Variants in CCDC157 observed in about 807,000 individuals in gnomAD.
CCDC157 encodes coiled-coil domain-containing protein 157.
In CCDC157, 60 loss-of-function variants were observed where a neutral mutation model predicts 70.9. That is an observed-to-expected ratio of 0.85 (90% CI 0.69 to 1.05). The LOEUF is 1.05. Ranked by LOEUF, CCDC157 falls within the 50% of genes least tolerant of loss-of-function variation. The probability of loss-of-function intolerance (pLI) is 0.00; values close to 1 mark genes in which losing one functional copy is unlikely to be tolerated. For missense variants in CCDC157, 943 were observed against 984.2 expected, an observed-to-expected ratio of 0.96 and a Z score of 0.56; for synonymous variants, 373 against 422.4, an observed-to-expected ratio of 0.88 and a Z score of 1.43.
chr22:30,363,583 A>C (rs985823033), intron 2 of CCDC157, among the ~76,000 whole-genome samples: 3 of 151,756 alleles, frequency 2.0e-5, no homozygotes, highest in African/African-American at 7.3e-5. Flanking sequence ...ATAAAAACGT[A>C]ATGGCAGTCC....
intron 4 of CCDC157, chr22:30,369,879 A>G (rs865837096): frequency 6.5e-6 from 3 of 462,762 alleles, no homozygotes; most frequent in African/African-American, 1.9e-5. Context: ...CATCTATACA[A>G]CGGAGGTCAT....
intron 3 of CCDC157, 63 bp downstream of exon 3, chr22:30,366,311 C>G: frequency 6.3e-7 from 1 of 1,599,698 alleles, no homozygotes; most frequent in East Asian, 2.2e-5. Context: ...AAACCAGTGG[C>G]AGCTACGGAA....
chr22:30,376,943 T>G lies in CCDC157; in HGVS notation c.*198T>G. 3.3e-6 allele frequency: 2 copies of G among 609,536 alleles called. No individual in the cohort carries two copies. The highest frequency in any genetic ancestry group is 5.8e-6 in the Non-Finnish European group (2 of 347,108). 37.8% of individuals were successfully genotyped at this position (609,536 alleles called of 1,614,324 possible). A position where few individuals can be genotyped will look rare whatever the true frequency, so the allele number is the denominator to read the frequency against. On this transcript the variant is annotated 3_prime_UTR_variant, in exon 12 of 12. Coordinates refer to ENST00000338306, the MANE Select transcript of CCDC157 (RefSeq NM_001017437.5). ...CAGTCAGTCAGCAGAGTCCTGGCAC[T>G]ATGGGCCCTCAGTAAAAGGGGCCTT...
At chr22:30,374,336 C>T in intron 9 of CCDC157, 1 of 631,002 alleles carries the variant, frequency 1.6e-6, no homozygotes, top group Non-Finnish European at 2.9e-6. Flanking sequence ...TCACAACAGC[C>T]AAACGCAGAC....
At chr22:30,372,481 G>C in intron 7 of CCDC157, 195 bp downstream of exon 7, 1 of 728,360 alleles carries the variant, frequency 1.4e-6, no homozygotes, top group African/African-American at 1.8e-5. Flanking sequence ...CCCAGGGACT[G>C]ATACTGCCCA....
At position 30,370,789 on chromosome 22, in the gene CCDC157, C is replaced by T. The variant is rs1932902375; in HGVS notation, c.884C>T (p.Ala295Val). The T allele has an allele frequency of 6.2e-7, 1 of 1,613,348 alleles. No individual in the cohort carries two copies. Among genetic ancestry groups the T allele is most frequent in the Non-Finnish European group, 8.5e-7 (1 of 1,180,006 alleles). ...AGTAAGCATGTGGAGGCCCTCAGGG[C>T]CCAGCTGGAGGAGGCTGAAGGGCAG... ...RLSKHVEALR[A>V]QLEEAEGQKD... The change falls in exon 5 of 12, where the codon GCC (alanine) becomes GTC (valine). Residue 295 changes from alanine (A) to valine (V), a missense_variant. Ala to Val is a moderately conservative substitution (Grantham distance 64). Transcript: ENST00000338306.
At chr22:30,358,738 C>T (rs907228053) in intron 1 of CCDC157, among the ~76,000 whole-genome samples, 1 of 152,186 alleles carries the variant, frequency 6.6e-6, no homozygotes, top group Admixed American at 6.5e-5. Flanking sequence ...TGAGGAGAGG[C>T]AGAGATAGCT....
chr22:30,370,856 G>A lies in CCDC157; in HGVS notation c.951G>A (p.Ala317=), dbSNP rs765153541. The A allele has an allele frequency of 1.5e-5, 24 of 1,612,312 alleles. 1 individual carries two copies. The highest frequency in any genetic ancestry group is 2.7e-5 in the African/African-American group (2 of 74,930). The change falls in exon 5 of 12, where the codon GCG becomes GCA. Residue 317 remains alanine (A), a synonymous_variant. Coordinates refer to ENST00000338306, the MANE Select transcript of CCDC157 (RefSeq NM_001017437.5). The part of the protein sequence containing the change: ...LRKQAGKLEQ[A]LKQEQGARRR... ...AGCAGGCGGGCAAGCTGGAGCAGGC[G>A]CTGAAACAGGAGCAGGGGGCACGGC...
At chr22:30,356,873 T>G (rs1231335049), upstream of CCDC157, 2 of 1,167,684 alleles carry the variant, frequency 1.7e-6, no homozygotes, top group Non-Finnish European at 2.2e-6. Flanking sequence ...GCTCGGTCAG[T>G]ACGACGAGCT....
At chr22:30,373,512 T>G (rs565697154) in intron 7 of CCDC157, 85 bp from the exon 8 acceptor site, 104 of 1,436,924 alleles carry the variant, frequency 7.2e-5, no homozygotes, top group Non-Finnish European at 4.9e-5. Flanking sequence ...CGAGGGGTAG[T>G]AGATGCTGTA....
rs774829399 is a variant in CCDC157 at position 30,369,568 on chromosome 22, AG to A, written c.387del (p.Arg129SerfsTer38). On this transcript the variant is annotated frameshift_variant, in exon 4 of 12. Coordinates refer to ENST00000338306, the MANE Select transcript of CCDC157 (RefSeq NM_001017437.5). LOFTEE classifies it high-confidence loss of function. The stretch of plus-strand genomic sequence containing the variant: ...GCGGCGCTTCTGGGACAGCCTGCTG[AG>A]GCTGGGCACGCTCCACCAGCAGCCA... Reference protein sequence around the residue: ...TVRRFWDSLLRLGTLHQQPLP... With the variant: ...TVRRFWDSLLXLGTLHQQPLP... 6.3e-7 allele frequency: 1 copy of A among 1,594,130 alleles called. No individual in the cohort carries two copies. Among genetic ancestry groups the A allele is most frequent in the South Asian group, 1.1e-5 (1 of 89,426 alleles).
rs373474031 is a variant in CCDC157, at chr22:30,359,217, G to A, written c.-166+2085G>A. Among the ~76,000 whole-genome samples the A allele has an allele frequency of 3.9e-5, 6 of 152,202 alleles. No homozygotes were observed. The East Asian group carries it at 1.2e-3, about 29-fold the overall frequency. ...ATGCCCATTCCAGGAAGGAAACCCA[G>A]AATACTTCCGTGTGTTATTTTGCCT... is the stretch of plus-strand genomic sequence containing the variant. On this transcript the variant is annotated intron_variant, in intron 1 of 11. Transcript: ENST00000338306.
At chr22:30,365,871 C>G (rs1601723860) in intron 2 of CCDC157, 119 bp from the exon 3 acceptor site, 2 of 1,017,962 alleles carry the variant, frequency 2.0e-6, no homozygotes, top group East Asian at 5.2e-5. Context: ...AGACTTCTCC[C>G]CAGGGTCTGG....
intron 7 of CCDC157, 193 bp downstream of exon 7, chr22:30,372,479 C>T (rs1569191283): frequency 5.3e-6 from 4 of 752,748 alleles, no homozygotes; most frequent in Non-Finnish European, 8.1e-6. Flanking sequence ...GACCCAGGGA[C>T]TGATACTGCC....
At chr22:30,360,368 T>G (rs1365243386) in intron 1 of CCDC157, among the ~76,000 whole-genome samples, 1 of 151,290 alleles carries the variant, frequency 6.6e-6, no homozygotes, top group Non-Finnish European at 1.5e-5. Context: ...AGCTGGGTGT[T>G]GTGGCGGGCG....
chr22:30,375,713 A>G (rs777174171), intron 10 of CCDC157, 50 bp downstream of exon 10: 2 of 1,517,676 alleles, frequency 1.3e-6, no homozygotes, highest in Non-Finnish European at 1.8e-6. Context: ...GCCCCTATCC[A>G]GCAGCAGGTC....
At chr22:30,373,405 T>C in intron 7 of CCDC157, 192 bp from the exon 8 acceptor site, 2 of 612,112 alleles carry the variant, frequency 3.3e-6, no homozygotes, top group Non-Finnish European at 5.7e-6. Flanking sequence ...AGGTCCGGTG[T>C]GCATCTGCCT....
Position 30,366,113 on chromosome 22 carries a change from C to G in CCDC157, c.113C>G (p.Pro38Arg), listed in dbSNP as rs372117054. Residue 38 changes from proline to arginine, a missense_variant, in exon 3 of 12, where the codon CCC becomes CGC. Transcript: ENST00000338306. ...VFSRAGPVRF[P>R]SWKFPDRMAC... ...TCCCGCGCCGGGCCTGTGCGCTTCC[C>G]CTCCTGGAAGTTCCCTGACCGCATG... 22 of 1,613,182 alleles carry G rather than the reference C, an allele frequency of 1.4e-5. No individual in the cohort carries two copies. Among genetic ancestry groups the G allele is most frequent in the Middle Eastern group, 1.6e-4 (1 of 6,082 alleles).
rs182994067 is a variant in CCDC157 at position 30,366,377 on chromosome 22, G to A, written c.248+129G>A. ...CAACAGTCACCATTGAGTACCTGTC[G>A]GGGCCACATCAGCTCAGGACTTTCA... On this transcript the variant is annotated intron_variant, in intron 3 of 11. Transcript: ENST00000338306. The A allele has an allele frequency of 2.4e-4, 276 of 1,135,412 alleles. No individual in the cohort carries two copies. The African/African-American group carries it at 2.9e-3, about 12-fold the overall frequency. 70.3% of individuals were successfully genotyped at this position (1,135,412 alleles called of 1,614,324 possible).
Sources: gnomAD v4.1 joint callset for allele counts (sites outside exome capture counted in the v4.1 genomes callset) on GRCh38, gnomAD v4.1.1 for gene constraint, MANE v1.5 for transcripts, NCBI Gene and HGNC (gene_info 2026-07-23, HGNC 2026-07-21) for gene names.